DNAH10: variants seen among roughly 807,000 people sequenced by gnomAD.
DNAH10 encodes the protein axonemal beta dynein heavy chain 10.
Under a neutral mutation model 506.6 loss-of-function variants are expected in DNAH10, and 348 were observed. The ratio of observed to expected loss-of-function variants is 0.69; its 90% CI spans 0.63 to 0.75. The LOEUF is 0.75. Ranked by LOEUF, DNAH10 falls within the 30% of genes least tolerant of loss-of-function variation. The pLI, the probability that DNAH10 is intolerant of heterozygous loss-of-function variation, is 0.00. For synonymous variants in DNAH10, 2,059 were observed against 2,198.6 expected (o/e 0.94, Z 1.78); for missense variants, 5,179 against 5,787.1 (o/e 0.89, Z 3.41).
intron 78 of DNAH10, 103 bp from the exon 79 acceptor site, chr12:123,935,232 C>A: frequency 7.0e-7 from 1 of 1,429,262 alleles, no homozygotes; most frequent in Non-Finnish European, 9.6e-7. Context: ...CAGGTGCAGT[C>A]TTGCACAGGG....
At chr12:123,826,035 G>T (rs546384567) in intron 24 of DNAH10, among the ~76,000 whole-genome samples, 1 of 152,108 alleles carries the variant, frequency 6.6e-6, no homozygotes, top group Admixed American at 6.5e-5. Context: ...GAGATGGGAG[G>T]ATCACTTGAG....
chr12:123,899,520 G>GATCCATTTGTCAT (rs1953420789), intron 56 of DNAH10, among the ~76,000 whole-genome samples: 3 of 152,216 alleles, frequency 2.0e-5, no homozygotes, highest in Admixed American at 2.0e-4. Flanking sequence ...ATTGCACCCG[G>GATCCATTTGTCAT]CCCTGTGCAC....
chr12:123,884,543 A>G (rs1952646746), intron 51 of DNAH10, among the ~76,000 whole-genome samples: 1 of 152,154 alleles, frequency 6.6e-6, no homozygotes, highest in Non-Finnish European at 1.5e-5. Flanking sequence ...GCATTCTTAC[A>G]TGGATGGATG....
Position 123,897,778 on chromosome 12 carries a change from C to T in DNAH10, c.9289C>T (p.Pro3097Ser). The T allele has an allele frequency of 1.2e-6, 2 of 1,606,956 alleles. No individual in the cohort carries two copies. Among genetic ancestry groups the T allele is most frequent in the Non-Finnish European group, 1.7e-6 (2 of 1,178,228 alleles). ...AVAKSFLGYN[P>S]MIPAENIENV... ...TATTCCTTCCTCTTCAGGGTATAAT[C>T]CAATGATCCCGGCAGAAAATATAGA... Residue 3097 changes from proline (P) to serine (S), a missense_variant, in exon 55 of 79, where the codon CCA becomes TCA. This residue lies in a region of DNAH10 where 4,844 missense variants were observed against 5,430.5 expected (regional missense o/e 0.89). Transcript: ENST00000673944.
chr12:123,776,826 A>G (rs896538017), intron 5 of DNAH10, among the ~76,000 whole-genome samples: 2 of 152,164 alleles, frequency 1.3e-5, no homozygotes, highest in Admixed American at 1.3e-4. Flanking sequence ...ATAGCAATGA[A>G]CAACTGAGAC....
intron 28 of DNAH10, among the ~76,000 whole-genome samples, chr12:123,837,344 A>T (rs1053993107): frequency 6.6e-6 from 1 of 151,606 alleles, no homozygotes; most frequent in African/African-American, 2.4e-5. Context: ...TCTGTCTCAA[A>T]AAAAAAAGAA....
At position 123,918,660 on chromosome 12, in the gene DNAH10, C is replaced by A; in HGVS notation, c.11233-16C>A. On this transcript the variant is annotated splice_polypyrimidine_tract_variant and intron_variant, in intron 64 of 78. Transcript: ENST00000673944. ...TCAGTCTTCCTGTTTCCAGGGTCACCTGTGCTTTTCTTCAGGTCTCAGAGA... is the reference window on the plus strand; with the variant it reads ...TCAGTCTTCCTGTTTCCAGGGTCACATGTGCTTTTCTTCAGGTCTCAGAGA... The A allele has an allele frequency of 2.0e-6, 3 of 1,538,180 alleles. No individual in the cohort carries two copies. The highest frequency in any genetic ancestry group is 2.6e-6 in the Non-Finnish European group (3 of 1,140,664).
chr12:123,933,074 A>G (rs1955294148), intron 76 of DNAH10, among the ~76,000 whole-genome samples: 1 of 152,170 alleles, frequency 6.6e-6, no homozygotes, highest in East Asian at 1.9e-4. Context: ...TTCCTACTCC[A>G]CGATATGAAA....
At chr12:123,918,632 A>C in intron 64 of DNAH10, 44 bp from the exon 65 acceptor site, 1 of 1,527,980 alleles carries the variant, frequency 6.5e-7, no homozygotes, top group Non-Finnish European at 8.8e-7. Context: ...CTCTGCCCAC[A>C]TCTCAGTCTT....
chr12:123,850,840 G>A lies in DNAH10; in HGVS notation c.6103-48G>A, dbSNP rs200192010. On this transcript the variant is annotated intron_variant, in intron 34 of 78. Transcript: ENST00000673944. The surrounding 1 kb of genome is among the most constrained non-coding windows in gnomAD (Gnocchi z 5.5). Reference sequence around the variant, plus strand: ...AGGCCCCCTTTCCAAGGGGCTGGCCGGCCGGGCCACCTAACTGCTTCTTTC... The same window carrying A: ...AGGCCCCCTTTCCAAGGGGCTGGCCAGCCGGGCCACCTAACTGCTTCTTTC... The A allele has an allele frequency of 7.0e-6, 11 of 1,562,430 alleles. No individual in the cohort carries two copies. The East Asian group carries it at 9.1e-5, about 13-fold the overall frequency.
At chr12:123,929,952 C>T (rs1389421615) in intron 72 of DNAH10, 193 bp downstream of exon 72, 5 of 615,660 alleles carry the variant, frequency 8.1e-6, no homozygotes, top group Non-Finnish European at 1.4e-5. Context: ...CATGGAGGTT[C>T]CCTGAGCTGG....
chr12:123,771,281 TCTTTATGATAAACTCC>T (rs1957243127), intron 2 of DNAH10, among the ~76,000 whole-genome samples: 1 of 152,204 alleles, frequency 6.6e-6, no homozygotes, highest in African/African-American at 2.4e-5. Flanking sequence ...GTAATTCTTG[TCTTTATGATAAACTCC>T]CTTTTAAGTA....
At chr12:123,822,288 A>G (rs1323726485) in intron 24 of DNAH10, among the ~76,000 whole-genome samples, 3 of 152,136 alleles carry the variant, frequency 2.0e-5, no homozygotes, top group African/African-American at 7.2e-5. Context: ...AATTCATGCT[A>G]TTCATTCATT....
chr12:123,820,679 C>T lies in DNAH10; in HGVS notation c.4100C>T (p.Thr1367Ile). Residue 1367 changes from threonine (T) to isoleucine (I), a missense_variant, in exon 24 of 79, where the codon ACA becomes ATA. This residue lies in a region of DNAH10 where 4,844 missense variants were observed against 5,430.5 expected (regional missense o/e 0.89). Transcript: ENST00000673944. ...GAGAAACTTTTCGATCTTCCTATTA[C>T]AATGTACCCAGAGCTGCTGAAAGTG... is the stretch of plus-strand genomic sequence containing the variant. The part of the protein sequence containing the change: ...NAEKLFDLPI[T>I]MYPELLKVQK... 6.2e-7 allele frequency: 1 copy of T among 1,613,958 alleles called. No homozygotes were observed.
In DNAH10 at chr12:123,820,435, G is replaced by C. The variant is rs1050916230; in HGVS notation, c.4001-145G>C. On this transcript the variant is annotated intron_variant, in intron 23 of 78. Transcript: ENST00000673944. The stretch of plus-strand genomic sequence containing the variant: ...GTCATTGGTCTTTTGGTTTTACTTA[G>C]AATGGTGCCATGATTCTAAATTTGT... 1.5e-5 allele frequency: 13 copies of C among 839,234 alleles called. No homozygotes were observed. The African/African-American group carries it at 2.2e-4, about 14-fold the overall frequency. The allele number at this position is 839,234 out of a possible 1,614,324, so 52.0% of individuals were successfully genotyped here.
chr12:123,919,538 G>A lies in DNAH10; in HGVS notation c.11506+589G>A, dbSNP rs150414079. ...ATTCATAGCATATACATAGAGTTGTGCAGCTATCACTACTCTCTGGCTCCG... is the reference window on the plus strand; with the variant it reads ...ATTCATAGCATATACATAGAGTTGTACAGCTATCACTACTCTCTGGCTCCG... On this transcript the variant is annotated intron_variant, in intron 65 of 78. Coordinates refer to ENST00000673944, the MANE Select transcript of DNAH10 (RefSeq NM_001372106.1). This position sits in a 1 kb window ranked among gnomAD's most constrained non-coding sequence, Gnocchi z 4.9. Among the ~76,000 whole-genome samples the A allele has an allele frequency of 2.0e-3, 302 of 152,264 alleles. 4 individuals carry two copies. The highest frequency in any genetic ancestry group is 0.019 in the Admixed American group (289 of 15,304).
In DNAH10 at chr12:123,877,726, C is replaced by T; in HGVS notation, c.8200-10C>T. The T allele has an allele frequency of 6.2e-7, 1 of 1,606,294 alleles. No individual in the cohort carries two copies. Among genetic ancestry groups the T allele is most frequent in the Non-Finnish European group, 8.5e-7 (1 of 1,176,450 alleles). On this transcript the variant is annotated splice_polypyrimidine_tract_variant and intron_variant, in intron 47 of 78. Coordinates refer to ENST00000673944, the MANE Select transcript of DNAH10 (RefSeq NM_001372106.1). ...TTGTGTGTTGGGGGGGGTGTCTTTG[C>T]ATTTTTCAGACGTTTCATGAGAGCA...
At chr12:123,818,229 G>A (rs1157054150) in intron 21 of DNAH10, among the ~76,000 whole-genome samples, 4 of 152,018 alleles carry the variant, frequency 2.6e-5, no homozygotes, top group Non-Finnish European at 5.9e-5. Context: ...TTACAGACGT[G>A]AGCTACTGCA....
rs748907482 is a variant in DNAH10, at chr12:123,859,226, G to A, written c.6707G>A (p.Gly2236Asp). The change falls in exon 38 of 79, where the codon GGC becomes GAC. Residue 2236 changes from glycine to aspartate, a missense_variant. This residue lies in a region of DNAH10 where 4,844 missense variants were observed against 5,430.5 expected (regional missense o/e 0.89). Transcript: ENST00000673944. ...TTMVVGPTRG[G>D]KSVVINTLCQ... ...ATGGTGGTGGGGCCCACCAGAGGGG[G>A]CAAGTCCGTCGTCATTAACACTCTG... The A allele has an allele frequency of 1.2e-6, 2 of 1,610,684 alleles. No individual in the cohort carries two copies. The highest frequency in any genetic ancestry group is 1.7e-6 in the Non-Finnish European group (2 of 1,178,784).
Sources: gnomAD v4.1 joint callset for allele counts (sites outside exome capture counted in the v4.1 genomes callset) on GRCh38, gnomAD v4.1.1 for gene constraint, gnomAD v4.1.1 regional missense constraint, Gnocchi (gnomAD v3.1) non-coding constraint, MANE v1.5 for transcripts, NCBI Gene and HGNC (gene_info 2026-07-23, HGNC 2026-07-21) for gene names.